ZNF33B: variants seen among roughly 807,000 people sequenced by gnomAD.
ZNF33B encodes the protein zinc finger protein 11b (KOX 2).
A neutral mutation model predicts 45.8 loss-of-function variants in ZNF33B; 29 were observed. The observed-to-expected ratio is 0.63, with a 90% CI of 0.47 to 0.86. The LOEUF (loss-of-function observed/expected upper bound fraction) is 0.86. Among genes scored for constraint, ZNF33B ranks in the 40% least tolerant of loss-of-function variants. ZNF33B has a pLI of 0.00. For missense variants in ZNF33B, 831 were observed against 909.9 expected (o/e 0.91, Z 1.12); for synonymous variants, 305 against 307.8 (o/e 0.99, Z 0.10).
At chr10:42,583,556 T>C (rs1836865300) in intron 1 of ZNF33B, among the ~76,000 whole-genome samples, 3 of 152,136 alleles carry the variant, frequency 2.0e-5, no homozygotes, top group African/African-American at 4.8e-5. Flanking sequence ...ATGTCTTATG[T>C]GACCTTTATC....
At chr10:42,603,370 A>G (rs1261396570) in intron 4 of ZNF33B, among the ~76,000 whole-genome samples, 2 of 152,186 alleles carry the variant, frequency 1.3e-5, no homozygotes, top group Non-Finnish European at 2.9e-5. Flanking sequence ...ATGATAACCA[A>G]TTAAGAAGAG....
At chr10:42,585,824 T>G (rs1479469521), downstream of ZNF33B, among the ~76,000 whole-genome samples, 1 of 152,214 alleles carries the variant, frequency 6.6e-6, no homozygotes, top group African/African-American at 2.4e-5. Flanking sequence ...GTCTCCTCTC[T>G]TCCATTCAAG....
intron 4 of ZNF33B, among the ~76,000 whole-genome samples, chr10:42,610,908 A>C (rs2132093513): frequency 6.6e-6 from 1 of 152,346 alleles, no homozygotes; most frequent in Non-Finnish European, 1.5e-5. Context: ...AAAATTTGCT[A>C]CAAAATTACA....
At chr10:42,585,705 A>T (rs1836920569), downstream of ZNF33B, among the ~76,000 whole-genome samples, 1 of 152,226 alleles carries the variant, frequency 6.6e-6, no homozygotes, top group Non-Finnish European at 1.5e-5. Flanking sequence ...CAGGATATTC[A>T]TCTTCTGACA....
chr10:42,599,598 G>C (rs1006006607), intron 4 of ZNF33B, among the ~76,000 whole-genome samples: 10 of 151,818 alleles, frequency 6.6e-5, no homozygotes, highest in African/African-American at 1.9e-4. Context: ...CGTCATATAT[G>C]CATTTACATA....
chr10:42,580,492 C>T (rs995763947), intron 1 of ZNF33B, among the ~76,000 whole-genome samples: 5 of 151,466 alleles, frequency 3.3e-5, no homozygotes, highest in Non-Finnish European at 7.4e-5. Flanking sequence ...CCCACCTTGG[C>T]CTCCCAAAGT....
At chr10:42,626,068 T>A (rs1838792461) in intron 4 of ZNF33B, among the ~76,000 whole-genome samples, 1 of 152,238 alleles carries the variant, frequency 6.6e-6, no homozygotes, top group Admixed American at 6.5e-5. Flanking sequence ...TAATGTCTTG[T>A]ATAGAGATTT....
chr10:42,604,873 A>G (rs1331557738), intron 4 of ZNF33B, among the ~76,000 whole-genome samples: 1 of 152,032 alleles, frequency 6.6e-6, no homozygotes, highest in Non-Finnish European at 1.5e-5. Context: ...GCGAGATGAG[A>G]TAGTGCCACT....
At chr10:42,588,332 G>A (rs1425267126), downstream of ZNF33B, among the ~76,000 whole-genome samples, 2 of 152,244 alleles carry the variant, frequency 1.3e-5, no homozygotes, top group East Asian at 3.8e-4. Flanking sequence ...TTACAGCACA[G>A]GCCAAGTGCA....
At chr10:42,615,279 A>C (rs748307298) in intron 4 of ZNF33B, among the ~76,000 whole-genome samples, 1 of 152,232 alleles carries the variant, frequency 6.6e-6, no homozygotes, top group Non-Finnish European at 1.5e-5. Flanking sequence ...GAACAATTAC[A>C]GCAGAATTAT....
At chr10:42,597,750 G>A (rs529162049) in intron 4 of ZNF33B, among the ~76,000 whole-genome samples, 3 of 152,202 alleles carry the variant, frequency 2.0e-5, no homozygotes, top group African/African-American at 7.2e-5. Flanking sequence ...AAAAATACAA[G>A]TTTTGGTATA....
At chr10:42,610,066 G>C (rs1838035928) in intron 4 of ZNF33B, among the ~76,000 whole-genome samples, 1 of 152,084 alleles carries the variant, frequency 6.6e-6, no homozygotes, top group African/African-American at 2.4e-5. Flanking sequence ...CAAGCAAGGG[G>C]AAGGGGAATT....
Position 42,632,318 on chromosome 10 carries a change from T to C in ZNF33B, c.131A>G (p.Asn44Ser). 2 of 1,603,908 alleles carry C rather than the reference T, an allele frequency of 1.2e-6. No individual in the cohort carries two copies. Among genetic ancestry groups the C allele is most frequent in the South Asian group, 2.2e-5 (2 of 89,120 alleles). The change falls in exon 3 of 5, where the codon AAC becomes AGC. Residue 44 changes from asparagine to serine, a missense_variant. Asn to Ser is a conservative substitution (Grantham distance 46). Coordinates refer to ENST00000359467, the MANE Select transcript of ZNF33B (RefSeq NM_006955.3). ...ACCCACTGAGACAAGGTTGCTGTAG[T>C]TCTCCAGCATCACATCTCTATACAG... The part of the protein sequence containing the change: ...RALYRDVMLE[N>S]YSNLVSVGYC...
chr10:42,613,155 C>A (rs1432345875), intron 4 of ZNF33B, among the ~76,000 whole-genome samples: 3 of 152,156 alleles, frequency 2.0e-5, no homozygotes, highest in Non-Finnish European at 4.4e-5. Context: ...CACATAAGTA[C>A]TATATTTTAG....
At chr10:42,638,436 G>GC (rs1175914173) in intron 1 of ZNF33B, 38 bp downstream of exon 1, 6 of 348,412 alleles carry the variant, frequency 1.7e-5, no homozygotes, top group African/African-American at 8.7e-5. Context: ...GTCGCGCGGG[G>GC]CCCCCTCTCC....
chr10:42,604,650 C>T (rs561761689), intron 4 of ZNF33B, among the ~76,000 whole-genome samples: 49 of 152,252 alleles, frequency 3.2e-4, no homozygotes, highest in African/African-American at 1.1e-3. Flanking sequence ...GGGTGGCTCA[C>T]GCCTGTAATC....
rs773105091 is a variant in ZNF33B at position 42,632,289 on chromosome 10, C to T, written c.154+6G>A. On this transcript the variant is annotated splice_donor_region_variant and intron_variant, in intron 3 of 4. Coordinates refer to ENST00000359467, the MANE Select transcript of ZNF33B (RefSeq NM_006955.3). ...TATTTAGAATGATACAGTGAACAGA[C>T]CTTACCCACTGAGACAAGGTTGCTG... is the stretch of plus-strand genomic sequence containing the variant. 6.3e-7 allele frequency: 1 copy of T among 1,599,082 alleles called. No individual in the cohort carries two copies. Among genetic ancestry groups the T allele is most frequent in the South Asian group, 1.1e-5 (1 of 88,490 alleles).
chr10:42,637,064 C>G, intron 1 of ZNF33B, 92 bp from the exon 2 acceptor site: 2 of 1,247,090 alleles, frequency 1.6e-6, no homozygotes, highest in Non-Finnish European at 2.3e-6. Context: ...TACACACCCA[C>G]TAGGTAAAAT....
intron 1 of ZNF33B, among the ~76,000 whole-genome samples, chr10:42,638,131 C>A (rs555758093): frequency 6.6e-5 from 10 of 152,376 alleles, no homozygotes; most frequent in African/African-American, 2.2e-4. Context: ...CCGCCCTTTC[C>A]TACCCAGGTA....
Sources: allele counts gnomAD v4.1 joint callset (sites outside exome capture counted in the v4.1 genomes callset), GRCh38; gene constraint gnomAD v4.1.1; transcripts MANE v1.5; gene names NCBI Gene and HGNC (gene_info 2026-07-23, HGNC 2026-07-21).